FSIP1: variants seen among roughly 807,000 people sequenced by gnomAD.
The protein encoded by FSIP1 is fibrous sheath-interacting protein 1.
A neutral mutation model predicts 60.9 loss-of-function variants in FSIP1; 65 were observed. The observed-to-expected ratio is 1.07, with a 90% CI of 0.87 to 1.31. The LOEUF is 1.31. FSIP1 is among the 40% of genes most tolerant of loss of function. The pLI is 0.00. For missense variants in FSIP1, 675 were observed against 665.5 expected, an observed-to-expected ratio of 1.01 and a Z score of -0.16; for synonymous variants, 209 against 221.2, an observed-to-expected ratio of 0.94 and a Z score of 0.49.
rs141586643 is a variant in FSIP1, at chr15:39,738,830, C to T, written c.781-629G>A. ...ATGTGGAGCACAAAAATCGAGAGTC[C>T]CAGAGGCCAGTCCTGGCAGTGGCAG... On this transcript the variant is annotated intron_variant, in intron 7 of 11. Coordinates refer to ENST00000350221, the MANE Select transcript of FSIP1 (RefSeq NM_152597.5). Among the ~76,000 whole-genome samples the T allele has an allele frequency of 6.9e-4, 105 of 152,266 alleles. No individual in the cohort carries two copies. In the East Asian group the frequency reaches 0.02, roughly 29 times the overall value.
chr15:39,719,489 G>A (rs183749174), intron 9 of FSIP1, among the ~76,000 whole-genome samples: 1 of 152,270 alleles, frequency 6.6e-6, no homozygotes, highest in East Asian at 1.9e-4. Flanking sequence ...GTGTTGACTA[G>A]GCCAAAAGGG....
At position 39,600,709 on chromosome 15, in the gene FSIP1, C is replaced by G; in HGVS notation, c.*171G>C. ...AGCAAAAACCACTGAACAATTACAC[C>G]CCAAGTCTCAAAAATATCAAGGAAA... is the stretch of plus-strand genomic sequence containing the variant. On this transcript the variant is annotated 3_prime_UTR_variant, in exon 12 of 12. Transcript: ENST00000350221. 1.9e-6 allele frequency: 1 copy of G among 529,496 alleles called. No homozygotes were observed. 32.8% of individuals were successfully genotyped at this position (529,496 alleles called of 1,614,324 possible). A position where few individuals can be genotyped will look rare whatever the true frequency, so the allele number is the denominator to read the frequency against.
intron 10 of FSIP1, among the ~76,000 whole-genome samples, chr15:39,662,105 C>G (rs543676669): frequency 1.3e-5 from 2 of 152,172 alleles, no homozygotes; most frequent in South Asian, 4.1e-4. Context: ...TAAAAGACTT[C>G]TTTTCTAATG....
At chr15:39,635,512 C>G (rs1016856226) in intron 10 of FSIP1, among the ~76,000 whole-genome samples, 5 of 152,116 alleles carry the variant, frequency 3.3e-5, no homozygotes, top group Non-Finnish European at 7.4e-5. Flanking sequence ...CTAGCAAGTT[C>G]TTGACCTTAG....
chr15:39,643,833 A>G (rs2140423670), intron 10 of FSIP1, among the ~76,000 whole-genome samples: 1 of 152,338 alleles, frequency 6.6e-6, no homozygotes, highest in South Asian at 2.1e-4. Context: ...TAAGCAAGGT[A>G]CTCAAATTGA....
intron 1 of FSIP1, among the ~76,000 whole-genome samples, chr15:39,778,372 T>C (rs1271630899): frequency 6.6e-6 from 1 of 152,224 alleles, no homozygotes; most frequent in Non-Finnish European, 1.5e-5. Context: ...CACAAATCTT[T>C]CATTTTGCTC....
intron 11 of FSIP1, among the ~76,000 whole-genome samples, chr15:39,608,085 T>C (rs1199663410): frequency 6.6e-6 from 1 of 152,238 alleles, no homozygotes; most frequent in Non-Finnish European, 1.5e-5. Flanking sequence ...ATAATGAGGT[T>C]AGTAAAACTC....
intron 5 of FSIP1, among the ~76,000 whole-genome samples, chr15:39,745,465 A>T (rs1248719457): frequency 1.3e-5 from 2 of 152,260 alleles, no homozygotes; most frequent in Non-Finnish European, 2.9e-5. Context: ...AATGTGGGCT[A>T]TAAGTACATT....
chr15:39,720,088 T>G (rs939319775), intron 9 of FSIP1, among the ~76,000 whole-genome samples: 2 of 152,146 alleles, frequency 1.3e-5, no homozygotes, highest in Non-Finnish European at 2.9e-5. Flanking sequence ...AACACACACC[T>G]AAGTACATTT....
At chr15:39,768,049 A>T (rs1326862535) in intron 3 of FSIP1, among the ~76,000 whole-genome samples, 1 of 152,216 alleles carries the variant, frequency 6.6e-6, no homozygotes, top group Non-Finnish European at 1.5e-5. Context: ...TGGGAGTTGT[A>T]AACACTCACC....
intron 10 of FSIP1, among the ~76,000 whole-genome samples, chr15:39,677,289 T>C (rs1893981383): frequency 6.6e-6 from 1 of 152,196 alleles, no homozygotes; most frequent in Non-Finnish European, 1.5e-5. Context: ...CCAAAACCAC[T>C]TGCATGTATT....
intron 9 of FSIP1, among the ~76,000 whole-genome samples, chr15:39,722,452 C>T (rs191280383): frequency 2.8e-4 from 42 of 152,306 alleles, no homozygotes; most frequent in African/African-American, 9.1e-4. Flanking sequence ...CAGTCCCTGA[C>T]GCCAAAATAC....
intron 10 of FSIP1, among the ~76,000 whole-genome samples, chr15:39,699,967 T>G (rs1894990635): frequency 6.6e-6 from 1 of 152,218 alleles, no homozygotes; most frequent in Admixed American, 6.5e-5. Flanking sequence ...GGCCCTCAGC[T>G]GGGAGCACTC....
chr15:39,734,234 G>A (rs1896525360), intron 8 of FSIP1, among the ~76,000 whole-genome samples: 1 of 152,058 alleles, frequency 6.6e-6, no homozygotes. Context: ...ATAAATATTT[G>A]AATACACAAA....
intron 5 of FSIP1, among the ~76,000 whole-genome samples, chr15:39,758,257 C>T (rs753026622): frequency 6.6e-5 from 10 of 152,034 alleles, no homozygotes; most frequent in Non-Finnish European, 1.0e-4. Flanking sequence ...GTCTTGCCTT[C>T]CAGGACCAAA....
intron 10 of FSIP1, among the ~76,000 whole-genome samples, chr15:39,698,742 C>T (rs1894929861): frequency 6.6e-6 from 1 of 152,200 alleles, no homozygotes; most frequent in Non-Finnish European, 1.5e-5. Flanking sequence ...AGGGCAAACA[C>T]ACTAAAGTGC....
At chr15:39,625,592 C>T (rs1891606564) in intron 10 of FSIP1, among the ~76,000 whole-genome samples, 1 of 152,174 alleles carries the variant, frequency 6.6e-6, no homozygotes, top group South Asian at 2.1e-4. Flanking sequence ...GACAGCAAGT[C>T]CACTTGGATC....
At chr15:39,723,490 A>C (rs1236314333) in intron 9 of FSIP1, among the ~76,000 whole-genome samples, 1 of 152,216 alleles carries the variant, frequency 6.6e-6, no homozygotes, top group Non-Finnish European at 1.5e-5. Flanking sequence ...TGGCCTCCCA[A>C]AGTGCTGGGA....
intron 10 of FSIP1, among the ~76,000 whole-genome samples, chr15:39,653,754 C>G (rs1381700034): frequency 5.3e-5 from 8 of 152,180 alleles, no homozygotes; most frequent in Admixed American, 4.6e-4. Flanking sequence ...TTGCTTGCTG[C>G]CATCCACGTA....
Sources: gnomAD v4.1 joint callset for allele counts (sites outside exome capture counted in the v4.1 genomes callset) on GRCh38, gnomAD v4.1.1 for gene constraint, MANE v1.5 for transcripts, NCBI Gene and HGNC (gene_info 2026-07-23, HGNC 2026-07-21) for gene names.